NAALADL2: variants seen among roughly 807,000 people sequenced by gnomAD.
NAALADL2 encodes the protein N-acetylated alpha-linked acidic dipeptidase like 2, also known as inactive N-acetylated-alpha-linked acidic dipeptidase-like protein 2.
NAALADL2 carries 76 observed loss-of-function variants against 87.2 expected under a neutral mutation model. The ratio of observed to expected loss-of-function variants is 0.87; its 90% confidence interval spans 0.72 to 1.05. The LOEUF (loss-of-function observed/expected upper bound fraction) is 1.05. Among genes scored for constraint, NAALADL2 ranks in the 50% least tolerant of loss-of-function variants. The pLI is 0.00. For synonymous variants in NAALADL2, 354 were observed against 331.0 expected (o/e 1.07, Z -0.75); for missense variants, 1,089 against 945.8 (o/e 1.15, Z -1.99).
chr3:175,517,615 A>G (rs557094036), intron 9 of NAALADL2, among the ~76,000 whole-genome samples: 4 of 152,202 alleles, frequency 2.6e-5, no homozygotes, highest in Non-Finnish European at 5.9e-5. Flanking sequence ...ATTAGAATTG[A>G]CAACAAAACA....
At chr3:175,160,360 CTTT>C (rs71164618) in intron 2 of NAALADL2, among the ~76,000 whole-genome samples, 3 of 57,036 alleles carry the variant, frequency 5.3e-5, no homozygotes, top group South Asian at 7.2e-4. Context: ...TCTTTTCTTT[CTTT>C]TTTTTTTTTT....
intron 1 of NAALADL2, among the ~76,000 whole-genome samples, chr3:174,866,901 A>G (rs1030197669): frequency 2.6e-5 from 4 of 151,814 alleles, no homozygotes; most frequent in Admixed American, 2.6e-4. Context: ...TTTCCAGTTT[A>G]CAATTAGACC....
At chr3:175,040,426 A>G (rs1753928772) in intron 1 of NAALADL2, among the ~76,000 whole-genome samples, 1 of 152,132 alleles carries the variant, frequency 6.6e-6, no homozygotes, top group Non-Finnish European at 1.5e-5. Context: ...CTGCAATTTA[A>G]TGTATTCTGA....
At chr3:175,221,013 A>G (rs1329245524) in intron 2 of NAALADL2, among the ~76,000 whole-genome samples, 4 of 152,012 alleles carry the variant, frequency 2.6e-5, no homozygotes, top group African/African-American at 2.4e-5. Context: ...CCTGGCCAAC[A>G]TGGTAAAACT....
intron 11 of NAALADL2, among the ~76,000 whole-genome samples, chr3:175,736,250 G>A (rs577240857): frequency 9.2e-5 from 14 of 152,266 alleles, no homozygotes; most frequent in Middle Eastern, 6.8e-3. Flanking sequence ...ATGTATGTAC[G>A]AAGATTGCAG....
At chr3:175,016,259 T>TTATA (rs368712908) in intron 1 of NAALADL2, among the ~76,000 whole-genome samples, 6,864 of 118,942 alleles carry the variant, frequency 0.058, 536 homozygotes, top group African/African-American at 0.23. Context: ...GATAAATTAT[T>TTATA]TATATATATA....
chr3:175,591,800 A>G (rs879540011), intron 10 of NAALADL2, among the ~76,000 whole-genome samples: 5,437 of 18,970 alleles, frequency 0.29, 399 homozygotes, highest in African/African-American at 0.39. Context: ...ATATATATAT[A>G]TATATATATA....
chr3:175,083,694 T>G (rs115304444), intron 1 of NAALADL2, among the ~76,000 whole-genome samples: 3,170 of 152,300 alleles, frequency 0.021, 52 homozygotes, highest in Admixed American at 0.031. Context: ...AATATTTAAC[T>G]TTATTCATCA....
At chr3:175,360,876 T>TG (rs1355343155) in intron 5 of NAALADL2, among the ~76,000 whole-genome samples, 1 of 151,486 alleles carries the variant, frequency 6.6e-6, no homozygotes, top group Non-Finnish European at 1.5e-5. Flanking sequence ...TTTTTTAATT[T>TG]TTTTTATTAT....
At chr3:175,366,473 C>A (rs1468950748) in intron 5 of NAALADL2, among the ~76,000 whole-genome samples, 2 of 151,458 alleles carry the variant, frequency 1.3e-5, no homozygotes, top group African/African-American at 4.9e-5. Flanking sequence ...ACAGTCCCAC[C>A]AACAGTGTAA....
At chr3:175,316,160 G>A (rs1295070651) in intron 4 of NAALADL2, among the ~76,000 whole-genome samples, 1 of 152,070 alleles carries the variant, frequency 6.6e-6, no homozygotes, top group Non-Finnish European at 1.5e-5. Flanking sequence ...CCAAATTTCT[G>A]AATTGTTTCC....
At chr3:175,779,054 CAG>C (rs1439284313) in intron 13 of NAALADL2, among the ~76,000 whole-genome samples, 2 of 152,088 alleles carry the variant, frequency 1.3e-5, no homozygotes, top group Non-Finnish European at 2.9e-5. Context: ...AGCGGCAAGA[CAG>C]AGGGGTGTGG....
intron 1 of NAALADL2, among the ~76,000 whole-genome samples, chr3:175,024,057 T>G (rs1227335365): frequency 1.3e-5 from 2 of 151,984 alleles, no homozygotes; most frequent in Non-Finnish European, 2.9e-5. Context: ...AATTGGTACA[T>G]CCTTCTACCC....
At chr3:175,139,543 G>A (rs904535864) in intron 2 of NAALADL2, among the ~76,000 whole-genome samples, 6 of 151,734 alleles carry the variant, frequency 4.0e-5, no homozygotes, top group Non-Finnish European at 8.8e-5. Flanking sequence ...ATTCTGAAAT[G>A]CTACGTAGAT....
chr3:175,696,823 G>T (rs772771703), intron 11 of NAALADL2, among the ~76,000 whole-genome samples: 2 of 152,084 alleles, frequency 1.3e-5, no homozygotes, highest in African/African-American at 2.4e-5. Flanking sequence ...GTCTGGAAAG[G>T]CTCATCCATG....
chr3:174,572,350 A>G (rs1473083209), intron 2 of NAALADL2, among the ~76,000 whole-genome samples: 1 of 152,232 alleles, frequency 6.6e-6, no homozygotes, highest in Non-Finnish European at 1.5e-5. Context: ...AACATTTTAT[A>G]GTAAAATATC....
chr3:174,961,728 G>A (rs1056617327), intron 1 of NAALADL2, among the ~76,000 whole-genome samples: 8 of 151,988 alleles, frequency 5.3e-5, no homozygotes, highest in Non-Finnish European at 1.0e-4. Context: ...TGGCAGGCTC[G>A]TGTCCCATCT....
At chr3:175,467,343 A>C (rs1383458726) in intron 8 of NAALADL2, among the ~76,000 whole-genome samples, 159 bp downstream of exon 8, 2 of 151,490 alleles carry the variant, frequency 1.3e-5, no homozygotes, top group African/African-American at 4.9e-5. Context: ...ATATGGAATT[A>C]GAGCTAGACC....
chr3:175,794,384 G>GA (rs5854657), intron 13 of NAALADL2, among the ~76,000 whole-genome samples: 22 of 149,036 alleles, frequency 1.5e-4, no homozygotes, highest in South Asian at 6.3e-4. Context: ...AATGAGTGTG[G>GA]AAAAAAAAAA....
Sources: allele counts gnomAD v4.1 joint callset (sites outside exome capture counted in the v4.1 genomes callset), GRCh38; gene constraint gnomAD v4.1.1; transcripts MANE v1.5; gene names NCBI Gene and HGNC (gene_info 2026-07-23, HGNC 2026-07-21).